Variants in NYAP2 observed in about 807,000 individuals in gnomAD.
NYAP2 encodes neuronal tyrosine-phosphorylated phosphoinositide-3-kinase adapter 2.
In NYAP2, 23 loss-of-function variants were observed where a neutral mutation model predicts 50.4. The observed-to-expected ratio is 0.46, with a 90% CI of 0.33 to 0.65. NYAP2 has a LOEUF of 0.65. Among genes scored for constraint, NYAP2 ranks in the 30% least tolerant of loss-of-function variants. The pLI is 0.02. For missense variants in NYAP2, 885 were observed against 861.0 expected (o/e 1.03, Z -0.35); for synonymous variants, 394 against 365.2 (o/e 1.08, Z -0.90).
the NYAP2 span, among the ~76,000 whole-genome samples, chr2:225,689,506 G>A: frequency 6.6e-6 from 1 of 152,246 alleles, no homozygotes; most frequent in Non-Finnish European, 1.5e-5. Context: ...AAGAGCAGGA[G>A]TTAATGTGTA....
intron 5 of NYAP2, among the ~76,000 whole-genome samples, chr2:225,606,417 G>A (rs1305153780): frequency 6.6e-6 from 1 of 152,092 alleles, no homozygotes; most frequent in Non-Finnish European, 1.5e-5. Context: ...CCATGCAACA[G>A]GAACTTCGAT....
At chr2:225,617,159 G>A (rs868029055) in intron 5 of NYAP2, among the ~76,000 whole-genome samples, 1 of 152,216 alleles carries the variant, frequency 6.6e-6, no homozygotes, top group African/African-American at 2.4e-5. Context: ...CACATCAGTG[G>A]CTTATGCCTG....
At chr2:225,607,850 T>C (rs1692815037) in intron 5 of NYAP2, among the ~76,000 whole-genome samples, 1 of 152,134 alleles carries the variant, frequency 6.6e-6, no homozygotes, top group African/African-American at 2.4e-5. Flanking sequence ...CGGTAAATTA[T>C]AGGGAGACAT....
At chr2:225,665,370 G>A in the NYAP2 span, among the ~76,000 whole-genome samples, 13 of 152,096 alleles carry the variant, frequency 8.5e-5, no homozygotes, top group East Asian at 2.3e-3. Context: ...TTTTAAGTGT[G>A]AACACCCCCA....
chr2:225,586,533 C>T (rs912290247), intron 5 of NYAP2, among the ~76,000 whole-genome samples: 7 of 152,152 alleles, frequency 4.6e-5, no homozygotes, highest in Non-Finnish European at 8.8e-5. Flanking sequence ...GTGATCAACT[C>T]ATATGCTATT....
At position 225,607,603 on chromosome 2, in the gene NYAP2, C is replaced by T. The variant is rs76622970; in HGVS notation, c.1619-19314C>T. On this transcript the variant is annotated intron_variant, in intron 5 of 6. Coordinates refer to ENST00000636099, the Ensembl canonical transcript of NYAP2. ...AAAACATCCTAAGTCAAAATTTGTA[C>T]CTGACCCAGGTTATAAAGATTTTAT... Among the ~76,000 whole-genome samples, 495 of 152,210 alleles carry T rather than the reference C, an allele frequency of 3.3e-3. 6 individuals are homozygous for T. The highest frequency in any genetic ancestry group is 4.7e-3 in the Non-Finnish European group (317 of 67,992).
At chr2:225,621,988 A>G (rs1232864973) in intron 5 of NYAP2, among the ~76,000 whole-genome samples, 1 of 152,194 alleles carries the variant, frequency 6.6e-6, no homozygotes, top group African/African-American at 2.4e-5. Flanking sequence ...TAATGCTACT[A>G]TAAACTTGGA....
intron 3 of NYAP2, among the ~76,000 whole-genome samples, chr2:225,485,910 T>C (rs1690287800): frequency 6.6e-6 from 1 of 152,228 alleles, no homozygotes. Context: ...GCAGCATCCA[T>C]GGCCTCTAAT....
chr2:225,513,377 T>C (rs1327449993), exon 4 of NYAP2: 1 of 1,613,930 alleles, frequency 6.2e-7, no homozygotes. Flanking sequence ...ACAGCATAGG[T>C]GGAGAAGTAG....
chr2:225,582,568 C>T lies in NYAP2; in HGVS notation c.1151C>T (p.Pro384Leu), dbSNP rs1692309950. The T allele has an allele frequency of 3.1e-6, 5 of 1,589,606 alleles. No homozygotes were observed. In the South Asian group the frequency reaches 3.4e-5, roughly 11 times the overall value. ...GCCGGGGCGTCGCCCTCCACGCTGC[C>T]GTCCCACGTCCCCGGCCATGCGAAA... Residue 384 changes from proline (P) to leucine (L), a missense_variant, in exon 5 of 7, where the codon CCG (proline) becomes CTG (leucine). By Grantham distance (98) the Pro-to-Leu change is moderately conservative (BLOSUM62 -3). Coordinates refer to ENST00000636099, the Ensembl canonical transcript of NYAP2. This position sits in a 1 kb window ranked among gnomAD's most constrained non-coding sequence, Gnocchi z 7.0.
At chr2:225,468,174 T>G (rs1689953054) in intron 3 of NYAP2, among the ~76,000 whole-genome samples, 1 of 152,186 alleles carries the variant, frequency 6.6e-6, no homozygotes, top group Non-Finnish European at 1.5e-5. Flanking sequence ...TTTGTAGATG[T>G]AGTCAAGTTA....
chr2:225,517,182 C>A (rs1322972450), intron 4 of NYAP2, among the ~76,000 whole-genome samples: 3 of 152,098 alleles, frequency 2.0e-5, no homozygotes, highest in Admixed American at 6.6e-5. Flanking sequence ...AACAGAAACA[C>A]CTTTAAAAAT....
At chr2:225,418,229 T>A (rs764991223) in intron 3 of NYAP2, among the ~76,000 whole-genome samples, 26 of 152,012 alleles carry the variant, frequency 1.7e-4, no homozygotes, top group Non-Finnish European at 2.9e-4. Flanking sequence ...ACATAGAAGG[T>A]CCCTGAAGGA....
chr2:225,685,038 C>T, the NYAP2 span, among the ~76,000 whole-genome samples: 2 of 152,176 alleles, frequency 1.3e-5, no homozygotes. Flanking sequence ...TGTACTTAGG[C>T]TCATTTTGGG....
intron 6 of NYAP2, among the ~76,000 whole-genome samples, chr2:225,641,029 A>G (rs1693520118): frequency 6.6e-6 from 1 of 152,166 alleles, no homozygotes; most frequent in Non-Finnish European, 1.5e-5. Flanking sequence ...TTGCCTCTCA[A>G]TACAAGATTA....
At chr2:225,432,639 C>T (rs933938226) in intron 3 of NYAP2, among the ~76,000 whole-genome samples, 1 of 152,036 alleles carries the variant, frequency 6.6e-6, no homozygotes. Flanking sequence ...TTCCAAAATA[C>T]CACCTAGGAT....
intron 4 of NYAP2, among the ~76,000 whole-genome samples, chr2:225,530,230 A>G (rs1276476346): frequency 1.3e-5 from 2 of 152,150 alleles, no homozygotes; most frequent in Admixed American, 6.5e-5. Flanking sequence ...TGACAATGAA[A>G]TTAACTCATT....
chr2:225,582,373 T>C lies in NYAP2; in HGVS notation c.956T>C (p.Leu319Pro). 1 of 1,611,814 alleles carries C rather than the reference T, an allele frequency of 6.2e-7. No individual in the cohort carries two copies. The highest frequency in any genetic ancestry group is 1.3e-5 in the African/African-American group (1 of 75,030). ...GTGCCATGCCCCCCCAAGGGGCTGC[T>C]TTGCGACATCCCTCCGCCCTTCCCC... The change falls in exon 5 of 7, where the codon CTT becomes CCT. Residue 319 changes from leucine (L) to proline (P), a missense_variant. Physicochemically the swap from Leu to Pro is moderately conservative, Grantham distance 98. Coordinates refer to ENST00000636099, the Ensembl canonical transcript of NYAP2. The surrounding 1 kb of genome is among the most constrained non-coding windows in gnomAD (Gnocchi z 7.0).
chr2:225,561,987 C>G (rs1691885021), intron 4 of NYAP2, among the ~76,000 whole-genome samples: 1 of 151,740 alleles, frequency 6.6e-6, no homozygotes, highest in Admixed American at 6.6e-5. Flanking sequence ...AAGTTCTGGA[C>G]CTAACTGGAA....
Sources: allele counts gnomAD v4.1 joint callset (sites outside exome capture counted in the v4.1 genomes callset), GRCh38; gene constraint gnomAD v4.1.1; non-coding constraint Gnocchi (gnomAD v3.1); transcripts MANE v1.5; gene names NCBI Gene and HGNC (gene_info 2026-07-23, HGNC 2026-07-21).